The following SAMD5 variants were observed in gnomAD, a reference collection of about 807,000 sequenced individuals.
The protein encoded by SAMD5 is sterile alpha motif domain containing 5.
In SAMD5, 13 loss-of-function variants were observed where a neutral mutation model predicts 11.3. That is an observed-to-expected ratio of 1.15 (90% CI 0.75 to 1.83). SAMD5 has a LOEUF of 1.83. Among genes scored for constraint, SAMD5 ranks in the 40% most tolerant of loss-of-function variants. SAMD5 has a pLI of 0.00. For synonymous variants in SAMD5, 129 were observed against 111.3 expected (o/e 1.16, Z -1.00); for missense variants, 255 against 239.1 (o/e 1.07, Z -0.44).
In SAMD5 at chr6:147,617,541, G is replaced by T. The variant is rs189446694; in HGVS notation, c.162+108154G>T. ...TTATGAAATGGAATTGCTCCACAGT[G>T]CTTTAAATGGAAATTGCTGCATCAG... On this transcript the variant is annotated intron_variant, in intron 1 of 1. Coordinates refer to the SAMD5 transcript ENST00000566741. Among the ~76,000 whole-genome samples the T allele has an allele frequency of 9.7e-4, 148 of 152,356 alleles. 1 individual carries two copies. Among genetic ancestry groups the T allele is most frequent in the Non-Finnish European group, 1.8e-3 (124 of 68,038 alleles).
At chr6:147,797,340 C>A in the SAMD5 span, among the ~76,000 whole-genome samples, 8 of 138,878 alleles carry the variant, frequency 5.8e-5, no homozygotes, top group African/African-American at 2.1e-4. Flanking sequence ...TGGTTTTTGT[C>A]TTTGGCTCTG....
At chr6:147,814,929 G>T in the SAMD5 span, among the ~76,000 whole-genome samples, 2 of 152,150 alleles carry the variant, frequency 1.3e-5, no homozygotes, top group South Asian at 4.1e-4. Context: ...CATGGAGAAA[G>T]GAAGGTCTGA....
chr6:147,878,255 A>T, the SAMD5 span, among the ~76,000 whole-genome samples: 1 of 151,962 alleles, frequency 6.6e-6, no homozygotes, highest in South Asian at 2.1e-4. Context: ...TGATTCATAG[A>T]TAGCCATATT....
chr6:147,516,631 A>G (rs1788175119), intron 1 of SAMD5, among the ~76,000 whole-genome samples: 1 of 152,228 alleles, frequency 6.6e-6, no homozygotes, highest in Non-Finnish European at 1.5e-5. Context: ...TCCAAGATTA[A>G]GGTGCTGTCA....
chr6:147,909,560 TTTTC>T, the SAMD5 span, among the ~76,000 whole-genome samples: 7,790 of 77,908 alleles, frequency 0.1, 363 homozygotes, highest in Middle Eastern at 0.17. Context: ...CATCCATCTT[TTTTC>T]TTTCTTTCTT....
At chr6:147,773,014 A>C in the SAMD5 span, among the ~76,000 whole-genome samples, 1 of 152,278 alleles carries the variant, frequency 6.6e-6, no homozygotes, top group African/African-American at 2.4e-5. Flanking sequence ...AGGGAAGTCC[A>C]TAGAGTCACA....
the SAMD5 span, among the ~76,000 whole-genome samples, chr6:147,826,025 C>T: frequency 3.3e-5 from 5 of 152,288 alleles, no homozygotes; most frequent in African/African-American, 9.6e-5. Flanking sequence ...ACCATGGGAA[C>T]CTGATTTCAC....
chr6:147,827,095 G>A, the SAMD5 span, among the ~76,000 whole-genome samples: 1 of 152,176 alleles, frequency 6.6e-6, no homozygotes, highest in Non-Finnish European at 1.5e-5. Context: ...AATGAGTTAG[G>A]TTAAAGGAAT....
intron 1 of SAMD5, among the ~76,000 whole-genome samples, chr6:147,653,823 T>C (rs1790527919): frequency 6.6e-6 from 1 of 152,164 alleles, no homozygotes; most frequent in Admixed American, 6.5e-5. Flanking sequence ...GGCCTGTTAA[T>C]TGGTGAGCTC....
intron 1 of SAMD5, among the ~76,000 whole-genome samples, chr6:147,689,975 A>G (rs182983183): frequency 4.7e-4 from 72 of 152,328 alleles, no homozygotes; most frequent in Admixed American, 4.4e-3. Context: ...TTGACGGTTA[A>G]TAGTTTGGCT....
the SAMD5 span, among the ~76,000 whole-genome samples, chr6:147,815,624 A>G: frequency 2.2e-4 from 34 of 152,296 alleles, 1 homozygote; most frequent in South Asian, 2.7e-3. Flanking sequence ...TCTTTGTTTA[A>G]TAACTTTGTC....
At chr6:147,950,341 C>G in the SAMD5 span, among the ~76,000 whole-genome samples, 1 of 152,186 alleles carries the variant, frequency 6.6e-6, no homozygotes, top group African/African-American at 2.4e-5. Flanking sequence ...TCTGCTCTGC[C>G]TATCTGCAGC....
intron 1 of SAMD5, among the ~76,000 whole-genome samples, chr6:147,714,885 AT>A (rs1791445377): frequency 6.6e-6 from 1 of 152,126 alleles, no homozygotes; most frequent in Admixed American, 6.5e-5. Flanking sequence ...TTATTTTTGT[AT>A]TGTGGGTCAT....
intron 1 of SAMD5, among the ~76,000 whole-genome samples, chr6:147,693,000 T>A (rs576198711): frequency 2.0e-5 from 3 of 152,116 alleles, no homozygotes; most frequent in Non-Finnish European, 2.9e-5. Flanking sequence ...AGAGCTTCAT[T>A]TGGTTTTTAA....
the SAMD5 span, among the ~76,000 whole-genome samples, chr6:147,867,170 A>G: frequency 1.3e-5 from 2 of 151,770 alleles, no homozygotes; most frequent in Non-Finnish European, 2.9e-5. Context: ...TCTTCCCTGT[A>G]TATATGATAT....
chr6:147,857,976 C>G, the SAMD5 span, among the ~76,000 whole-genome samples: 1 of 147,996 alleles, frequency 6.8e-6, no homozygotes, highest in Admixed American at 6.7e-5. Flanking sequence ...GTTGCCTCAT[C>G]CCCTGTCAGA....
In SAMD5 at chr6:147,569,978, A is replaced by C. The variant is rs1001191995; in HGVS notation, c.*5522A>C. The C allele has an allele frequency of 3.0e-6, 3 of 985,070 alleles. No individual in the cohort carries two copies. In the African/African-American group the frequency reaches 5.2e-5, roughly 17 times the overall value. The allele number at this position is 985,070 out of a possible 1,614,324, so 61.0% of individuals were successfully genotyped here. A position where few individuals can be genotyped will look rare whatever the true frequency, so the allele number is the denominator to read the frequency against. The stretch of plus-strand genomic sequence containing the variant: ...CATGCCCATGCACACTGTGATTTGC[A>C]AACATATGTCCGCTCTTCAATAAAT... On this transcript the variant is annotated 3_prime_UTR_variant, in exon 2 of 2. Transcript: ENST00000367474.
chr6:147,807,084 T>TTTTG, the SAMD5 span, among the ~76,000 whole-genome samples: 1 of 152,056 alleles, frequency 6.6e-6, no homozygotes, highest in African/African-American at 2.4e-5. Context: ...CTGTTGTTTT[T>TTTTG]TTTTGTTTTG....
the SAMD5 span, among the ~76,000 whole-genome samples, chr6:147,763,113 T>C: frequency 8.5e-5 from 13 of 152,052 alleles, no homozygotes; most frequent in African/African-American, 3.1e-4. Context: ...ACAGATACAG[T>C]CTGTCTTTAT....
Sources: gnomAD v4.1 joint callset for allele counts (sites outside exome capture counted in the v4.1 genomes callset) on GRCh38, gnomAD v4.1.1 for gene constraint, MANE v1.5 for transcripts, NCBI Gene and HGNC (gene_info 2026-07-23, HGNC 2026-07-21) for gene names.